The following SIGIRR variants were observed in gnomAD, a reference collection of about 807,000 sequenced individuals.
SIGIRR encodes single Ig IL-1-related receptor.
A neutral mutation model predicts 45.6 loss-of-function variants in SIGIRR; 41 were observed. The ratio of observed to expected loss-of-function variants is 0.90; its 90% CI spans 0.70 to 1.17. The LOEUF is 1.17. Ranked by LOEUF, SIGIRR falls within the 50% of genes most tolerant of loss-of-function variation. SIGIRR has a pLI of 0.00. For synonymous variants in SIGIRR, 298 were observed against 239.0 expected (o/e 1.25, Z -2.28); for missense variants, 599 against 539.6 (o/e 1.11, Z -1.09).
In SIGIRR at chr11:407,932, C is replaced by T. The variant is rs1480019959; in HGVS notation, c.366G>A (p.Val122=). The change falls in exon 5 of 10, where the codon GTG becomes GTA. Residue 122 remains valine, a synonymous_variant. Transcript: ENST00000431843. ...CCAGCAGGACCAGGAGGGAGGCCAG[C>T]ACCGCAGCCACGTGGCTTGTAGGGC... ...RAGPTSHVAA[V]LASLLVLLAL... 1.1e-5 allele frequency: 17 copies of T among 1,610,376 alleles called. No individual in the cohort carries two copies. In the Admixed American group the frequency reaches 1.8e-4, roughly 17 times the overall value.
intron 3 of SIGIRR, 71 bp downstream of exon 3, chr11:408,624 T>C (rs1315784882): frequency 8.3e-6 from 13 of 1,561,304 alleles, no homozygotes; most frequent in South Asian, 1.1e-5. Flanking sequence ...GACCCAGGCA[T>C]AGGTCAGGGA....
rs902649128 is a variant in SIGIRR at position 407,408 on chromosome 11, G to A, written c.625+17C>T. 1.5e-5 allele frequency: 23 copies of A among 1,531,036 alleles called. No homozygotes were observed. The African/African-American group carries it at 2.2e-4, about 15-fold the overall frequency. 94.8% of individuals were successfully genotyped at this position (1,531,036 alleles called of 1,614,324 possible). On this transcript the variant is annotated intron_variant, in intron 6 of 9. Coordinates refer to ENST00000431843, the MANE Select transcript of SIGIRR (RefSeq NM_001135054.2). ...GGCCCTCCGGGTGGGCGGGGCACGG[G>A]GTGGGGCCCGGGATACCAGCGCGCG...
intron 1 of SIGIRR, among the ~76,000 whole-genome samples, chr11:413,842 TCCCCTGAACCCTCTCCTCTGCCTGCCTC>T (rs1847787116): frequency 1.2e-5 from 1 of 85,032 alleles, no homozygotes; most frequent in Non-Finnish European, 2.3e-5. Context: ...CTGCACCCTC[TCCCCTGAACCCTCTCCTCTGCCTGCCTC>T]CCCCTGCACC....
chr11:406,787 C>G (rs1847328588), intron 8 of SIGIRR, 56 bp downstream of exon 8: 2 of 1,456,114 alleles, frequency 1.4e-6, no homozygotes, highest in Non-Finnish European at 1.8e-6. Context: ...GGAGCCCGGG[C>G]ACCGCCCATC....
At chr11:414,412 C>T (rs1284821581) in intron 1 of SIGIRR, among the ~76,000 whole-genome samples, 1 of 150,316 alleles carries the variant, frequency 6.7e-6, no homozygotes, top group African/African-American at 2.5e-5. Flanking sequence ...TCTGCCCCTC[C>T]TCCCCTGCAC....
chr11:417,062 G>A (rs905465947), upstream of SIGIRR, among the ~76,000 whole-genome samples: 1 of 152,206 alleles, frequency 6.6e-6, no homozygotes, highest in Non-Finnish European at 1.5e-5. The surrounding 1 kb of genome is among the most constrained non-coding windows in gnomAD (Gnocchi z 4.2). Flanking sequence ...CCAAAAAGCC[G>A]CTGACCACGT....
intron 8 of SIGIRR, 47 bp from the exon 9 acceptor site, chr11:406,585 C>A (rs1244256437): frequency 3.9e-6 from 6 of 1,548,006 alleles, no homozygotes; most frequent in Admixed American, 1.9e-5. Context: ...ACCTCGGAAG[C>A]CCCTGGCGTC....
chr11:411,410 G>A (rs1847615519), intron 1 of SIGIRR, among the ~76,000 whole-genome samples: 1 of 20,630 alleles, frequency 4.8e-5, no homozygotes. Flanking sequence ...GCCCAGCTCT[G>A]ACCATGTCTG....
chr11:417,076 G>T (rs1046611107), upstream of SIGIRR, among the ~76,000 whole-genome samples: 34 of 152,344 alleles, frequency 2.2e-4, no homozygotes, highest in South Asian at 4.1e-4. The surrounding 1 kb of genome is among the most constrained non-coding windows in gnomAD (Gnocchi z 4.2). Flanking sequence ...ACCACGTCGG[G>T]CAGAGGAAAG....
At position 405,932 on chromosome 11, in the gene SIGIRR, T is replaced by C; in HGVS notation, c.1197A>G (p.Thr399=). ...CCTTGGACACCAGGCAGTAGAAGTC[T>C]GTGCGGGCACTGTAGTTTCGCGAGC... ...DLGSRNYSAR[T]DFYCLVSKDD... is the part of the protein sequence containing the mutation. Residue 399 remains threonine, a synonymous_variant, in exon 10 of 10, where the codon ACA becomes ACG. Coordinates refer to ENST00000431843, the MANE Select transcript of SIGIRR (RefSeq NM_001135054.2). The C allele has an allele frequency of 6.2e-7, 1 of 1,609,456 alleles. No individual in the cohort carries two copies. The highest frequency in any genetic ancestry group is 1.1e-5 in the South Asian group (1 of 90,934).
intron 3 of SIGIRR, 132 bp from the exon 4 acceptor site, chr11:408,338 A>G: frequency 8.2e-7 from 1 of 1,221,338 alleles, no homozygotes; most frequent in Non-Finnish European, 1.1e-6. Flanking sequence ...TTAAGCCAAG[A>G]GAAGTGACCT....
At chr11:409,202 AT>A in intron 2 of SIGIRR, 1 of 488,200 alleles carries the variant, frequency 2.0e-6, no homozygotes. Flanking sequence ...CCAGCCCCCC[AT>A]TTCCCAGATG....
rs1181829244 is a variant in SIGIRR, at chr11:414,846, G to C, written c.-177C>G. On this transcript the variant is annotated 5_prime_UTR_variant, in exon 1 of 10. Transcript: ENST00000431843. ...ACCTGGTTCCAGTTCTTTCCTCCGG[G>C]GGGCAAATGTTGGTCATTGGTGCGC... is the stretch of plus-strand genomic sequence containing the variant. The C allele has an allele frequency of 2.1e-5, 21 of 985,424 alleles. No homozygotes were observed. Among genetic ancestry groups the C allele is most frequent in the African/African-American group, 3.5e-5 (2 of 57,220 alleles). 61.0% of individuals were successfully genotyped at this position (985,424 alleles called of 1,614,324 possible). A position where few individuals can be genotyped will look rare whatever the true frequency, so the allele number is the denominator to read the frequency against.
chr11:417,265 G>T (rs1847914563), upstream of SIGIRR: 4 of 152,352 alleles, frequency 2.6e-5, no homozygotes, highest in African/African-American at 9.6e-5. This position sits in a 1 kb window ranked among gnomAD's most constrained non-coding sequence, Gnocchi z 4.2. Context: ...GCCTGCAGCG[G>T]CTCTGGGAGG....
At chr11:414,736 A>G (rs1847832855) in intron 1 of SIGIRR, 87 bp downstream of exon 1, 2 of 841,476 alleles carry the variant, frequency 2.4e-6, no homozygotes, top group African/African-American at 1.8e-5. Context: ...ACATGCACAC[A>G]CATGCATATG....
In SIGIRR at chr11:406,458, G is replaced by A. The variant is rs752898907; in HGVS notation, c.960C>T (p.Pro320=). ...KVQYRPVEGD[P]QTQLQDDKDP... ...CCTTGTCGTCCTGCAGCTGCGTCTGGGGGTCTCCTTCCACAGGCCTGTACT... is the reference window on the plus strand; with the variant it reads ...CCTTGTCGTCCTGCAGCTGCGTCTGAGGGTCTCCTTCCACAGGCCTGTACT... Residue 320 remains proline, a synonymous_variant, in exon 9 of 10, where the codon CCC becomes CCT. Transcript: ENST00000431843. 3 of 1,612,652 alleles carry A rather than the reference G, an allele frequency of 1.9e-6. No individual in the cohort carries two copies. The highest frequency in any genetic ancestry group is 2.5e-6 in the Non-Finnish European group (3 of 1,179,834).
intron 6 of SIGIRR, 61 bp downstream of exon 6, chr11:407,364 C>CAGGGG (rs1554922383): frequency 2.3e-6 from 3 of 1,313,616 alleles, no homozygotes; most frequent in Non-Finnish European, 3.0e-6. Context: ...TGGGACGGAG[C>CAGGGG]ATGGGGCGGG....
At chr11:408,466 C>G (rs1252353887) in intron 3 of SIGIRR, among the ~76,000 whole-genome samples, 1 of 152,202 alleles carries the variant, frequency 6.6e-6, no homozygotes, top group Non-Finnish European at 1.5e-5. Flanking sequence ...AGACCCTAGA[C>G]TTTGCTGACA....
In SIGIRR at chr11:407,115, G is replaced by GAATATC; in HGVS notation, c.674_675insGATATT (p.Ile225delinsMetIlePhe). The GAATATC allele has an allele frequency of 6.5e-7, 1 of 1,544,496 alleles. No individual in the cohort carries two copies. The highest frequency in any genetic ancestry group is 1.9e-5 in the Admixed American group (1 of 52,950). ...TCAGGAAGGCGTCCGAAAGCACCAC[G>GAATATC]ATGAGGCGTCGGCAGCGGCTCAGGT... On this transcript the variant is annotated protein_altering_variant, in exon 7 of 10. Transcript: ENST00000431843.
Sources: gnomAD v4.1 joint callset for allele counts (sites outside exome capture counted in the v4.1 genomes callset) on GRCh38, gnomAD v4.1.1 for gene constraint, Gnocchi (gnomAD v3.1) non-coding constraint, MANE v1.5 for transcripts, NCBI Gene and HGNC (gene_info 2026-07-23, HGNC 2026-07-21) for gene names.